The following RPRD2 variants were observed in gnomAD, a reference collection of about 807,000 sequenced individuals.
The protein encoded by RPRD2 is regulation of nuclear pre-mRNA domain containing 2.
A neutral mutation model predicts 104.4 loss-of-function variants in RPRD2; 12 were observed. That is an observed-to-expected ratio of 0.11 (90% CI 0.07 to 0.19). The LOEUF is 0.19. Ranked by LOEUF, RPRD2 falls within the 10% of genes least tolerant of loss-of-function variation. The pLI, the probability that RPRD2 is intolerant of heterozygous loss-of-function variation, is 1.00. For missense variants in RPRD2, 1,543 were observed against 1,790.1 expected (o/e 0.86, Z 2.49); for synonymous variants, 714 against 684.9 (o/e 1.04, Z -0.66).
At chr1:150,423,661 G>C (rs1664915414) in intron 2 of RPRD2, among the ~76,000 whole-genome samples, 1 of 152,078 alleles carries the variant, frequency 6.6e-6, no homozygotes, top group African/African-American at 2.4e-5. Flanking sequence ...AATGCAAAAT[G>C]CTCCAAAATC....
At chr1:150,456,524 T>C (rs1553897595) in intron 7 of RPRD2, among the ~76,000 whole-genome samples, 1 of 151,932 alleles carries the variant, frequency 6.6e-6, no homozygotes. Flanking sequence ...TCCTAGCATT[T>C]TGGGAGGCTG....
At position 150,471,023 on chromosome 1, in the gene RPRD2, T is replaced by G; in HGVS notation, c.2075T>G (p.Leu692Arg). The change falls in exon 11 of 11, where the codon CTG (leucine) becomes CGG (arginine). Residue 692 changes from leucine to arginine, a missense_variant. This residue lies in a region of RPRD2 where 572 missense variants were observed against 787.3 expected (regional missense o/e 0.73). Transcript: ENST00000369068. This position sits in a 1 kb window ranked among gnomAD's most constrained non-coding sequence, Gnocchi z 5.3. ...GGCTTAAACTTAAACATCCCAATCC[T>G]GAGCAGTTTGGGGTCCAGCGCCCCA... ...FSGLNLNIPI[L>R]SSLGSSAPSE... 1.2e-6 allele frequency: 2 copies of G among 1,614,014 alleles called. No homozygotes were observed. The highest frequency in any genetic ancestry group is 1.7e-6 in the Non-Finnish European group (2 of 1,179,894).
At chr1:150,444,915 C>G (rs1433582085) in intron 6 of RPRD2, among the ~76,000 whole-genome samples, 1 of 152,088 alleles carries the variant, frequency 6.6e-6, no homozygotes, top group Non-Finnish European at 1.5e-5. Context: ...TTTAACAGAC[C>G]AGACACAGTG....
At chr1:150,420,226 T>C (rs587659118) in intron 2 of RPRD2, among the ~76,000 whole-genome samples, 72 of 152,310 alleles carry the variant, frequency 4.7e-4, no homozygotes, top group African/African-American at 1.7e-3. Context: ...ATTTCATGGA[T>C]TAATATACAG....
chr1:150,416,881 A>AC (rs1664373935), intron 1 of RPRD2, among the ~76,000 whole-genome samples: 3 of 144,658 alleles, frequency 2.1e-5, no homozygotes, highest in African/African-American at 5.2e-5. Context: ...CCAAAAAAAA[A>AC]AAAAAAAAAA....
chr1:150,475,169 G>A lies in RPRD2; in HGVS notation c.*1835G>A, dbSNP rs1434701744. On this transcript the variant is annotated 3_prime_UTR_variant, in exon 11 of 11. Transcript: ENST00000369068. ...ACCATGACCTTACGTGTGGGATGGG[G>A]TATGTAGTGTAGCAAAGAAAAGAAA... 1 of 152,078 alleles carries A rather than the reference G, an allele frequency of 6.6e-6. No homozygotes were observed. Among genetic ancestry groups the A allele is most frequent in the Non-Finnish European group, 1.5e-5 (1 of 68,026 alleles). The allele number at this position is 152,078 out of a possible 1,614,324, so 9.4% of individuals were successfully genotyped here.
intron 1 of RPRD2, among the ~76,000 whole-genome samples, chr1:150,390,750 A>G (rs1662003253): frequency 6.6e-6 from 1 of 152,202 alleles, no homozygotes; most frequent in Non-Finnish European, 1.5e-5. Context: ...CCAGAATGTA[A>G]TGTTAAGAAA....
chr1:150,418,528 C>T (rs1255926226), intron 2 of RPRD2, among the ~76,000 whole-genome samples: 4 of 152,126 alleles, frequency 2.6e-5, no homozygotes, highest in African/African-American at 9.7e-5. Context: ...GATTTAATTT[C>T]ATTTTTAGCG....
At chr1:150,449,378 C>CT (rs1475473131) in intron 7 of RPRD2, among the ~76,000 whole-genome samples, 11 of 152,002 alleles carry the variant, frequency 7.2e-5, no homozygotes, top group Non-Finnish European at 1.6e-4. Flanking sequence ...AGTGTTTAGT[C>CT]TACTTATTGA....
chr1:150,425,409 C>T (rs142428595), intron 2 of RPRD2, among the ~76,000 whole-genome samples: 1,743 of 152,096 alleles, frequency 0.011, 14 homozygotes, highest in Non-Finnish European at 0.018. Context: ...TTTGGGAGGC[C>T]GAGGCAGGTG....
At chr1:150,369,107 T>C (rs1439423361) in intron 1 of RPRD2, among the ~76,000 whole-genome samples, 1 of 152,222 alleles carries the variant, frequency 6.6e-6, no homozygotes, top group Non-Finnish European at 1.5e-5. Context: ...GCCAACATAA[T>C]GTGAAATAGC....
Position 150,473,556 on chromosome 1 carries a change from TAAAAAAAAA to T in RPRD2, c.*237_*245del, listed in dbSNP as rs61486244. The stretch of plus-strand genomic sequence containing the variant: ...TCTACCTTCCCCAAGTTGTTTGTAT[TAAAAAAAAA>T]AAAAAAAAAAAAAAGTAAAGAAACA... On this transcript the variant is annotated 3_prime_UTR_variant, in exon 11 of 11. Coordinates refer to ENST00000369068, the MANE Select transcript of RPRD2 (RefSeq NM_015203.5). The T allele has an allele frequency of 1.8e-4, 18 of 98,396 alleles. No homozygotes were observed. Among genetic ancestry groups the T allele is most frequent in the Non-Finnish European group, 1.9e-4 (10 of 52,040 alleles). 6.1% of individuals were successfully genotyped at this position (98,396 alleles called of 1,614,324 possible).
chr1:150,433,662 T>A (rs1416289499), intron 2 of RPRD2, among the ~76,000 whole-genome samples: 2 of 148,798 alleles, frequency 1.3e-5, no homozygotes, highest in East Asian at 3.9e-4. Context: ...GCCAGGATGG[T>A]CTCAATCTGC....
At chr1:150,376,126 C>G (rs1021023931) in intron 1 of RPRD2, among the ~76,000 whole-genome samples, 3 of 152,142 alleles carry the variant, frequency 2.0e-5, no homozygotes, top group Non-Finnish European at 2.9e-5. Context: ...CATTCTTATT[C>G]TCTTGTTTTT....
intron 8 of RPRD2, 119 bp downstream of exon 8, chr1:150,457,689 G>C: frequency 1.2e-6 from 1 of 858,210 alleles, no homozygotes; most frequent in South Asian, 1.6e-5. Flanking sequence ...AGAACACCAA[G>C]GTAGCATTAT....
At chr1:150,388,375 C>CGTATACACACATGTATATACGT (rs33946912) in intron 1 of RPRD2, among the ~76,000 whole-genome samples, 1 of 142,962 alleles carries the variant, frequency 7.0e-6, no homozygotes, top group Non-Finnish European at 1.5e-5. Flanking sequence ...CATGTATACA[C>CGTATACACACATGTATATACGT]ATATACACGT....
chr1:150,405,875 G>T (rs991942375), intron 1 of RPRD2, among the ~76,000 whole-genome samples: 1 of 152,068 alleles, frequency 6.6e-6, no homozygotes, highest in Non-Finnish European at 1.5e-5. Context: ...TATATTGACC[G>T]CCAGGGTATT....
intron 1 of RPRD2, among the ~76,000 whole-genome samples, chr1:150,387,567 C>T (rs2487761): frequency 0.34 from 25,325 of 73,972 alleles, 4,121 homozygotes; most frequent in South Asian, 0.43. Flanking sequence ...TGCAACAGAC[C>T]TTTTTTTTTT....
At chr1:150,446,547 C>T in intron 7 of RPRD2, 146 bp downstream of exon 7, 1 of 690,632 alleles carries the variant, frequency 1.4e-6, no homozygotes, top group Non-Finnish European at 2.2e-6. Flanking sequence ...TGCTGTGGTA[C>T]ACACCTGTAA....
Sources: allele counts gnomAD v4.1 joint callset (sites outside exome capture counted in the v4.1 genomes callset), GRCh38; gene constraint gnomAD v4.1.1; regional missense constraint gnomAD v4.1.1; non-coding constraint Gnocchi (gnomAD v3.1); transcripts MANE v1.5; gene names NCBI Gene and HGNC (gene_info 2026-07-23, HGNC 2026-07-21).